The following MCPH1 variants were observed in gnomAD, a reference collection of about 807,000 sequenced individuals.
MCPH1 encodes the protein microcephalin 1.
Under a neutral mutation model 84.5 loss-of-function variants are expected in MCPH1, and 104 were observed. The observed-to-expected ratio is 1.23, with a 90% CI of 1.05 to 1.45. MCPH1 has a LOEUF of 1.45. Among genes scored for constraint, MCPH1 ranks in the 40% most tolerant of loss-of-function variants. The pLI, the probability that MCPH1 is intolerant of heterozygous loss-of-function variation, is 0.00. For missense variants in MCPH1, 1,498 were observed against 1,005.7 expected, an observed-to-expected ratio of 1.49 and a Z score of -6.62; for synonymous variants, 514 against 366.8, an observed-to-expected ratio of 1.40 and a Z score of -4.58.
At chr8:6,640,725 C>G (rs528829956) in intron 13 of MCPH1, among the ~76,000 whole-genome samples, 85 of 152,226 alleles carry the variant, frequency 5.6e-4, no homozygotes, top group African/African-American at 2.0e-3. Flanking sequence ...GGCACCTACC[C>G]TTGTGGTTTT....
At position 6,431,550 on chromosome 8, in the gene MCPH1, T is replaced by G; in HGVS notation, c.285T>G (p.Asn95Lys). The G allele has an allele frequency of 6.2e-7, 1 of 1,613,514 alleles. No homozygotes were observed. Among genetic ancestry groups the G allele is most frequent in the Admixed American group, 1.7e-5 (1 of 60,012 alleles). ...HIDESLFPAA[N>K]MNEHLSSLIK... ...ATGAATCATTGTTCCCTGCAGCTAA[T>G]ATGAATGAACACTTATCAAGCCTAA... The change falls in exon 4 of 14, where the codon AAT (asparagine) becomes AAG (lysine). Residue 95 changes from asparagine (N) to lysine (K), a missense_variant. Physicochemically the swap from Asn to Lys is moderately conservative, Grantham distance 94. Coordinates refer to ENST00000344683, the MANE Select transcript of MCPH1 (RefSeq NM_024596.5).
At chr8:6,416,878 CA>C (rs1799378170) in intron 3 of MCPH1, among the ~76,000 whole-genome samples, 1 of 151,938 alleles carries the variant, frequency 6.6e-6, no homozygotes, top group Admixed American at 6.6e-5. Flanking sequence ...CCTATAGTCC[CA>C]GCTACTCGGG....
At chr8:6,529,141 C>T (rs1042853179) in intron 12 of MCPH1, among the ~76,000 whole-genome samples, 2 of 152,198 alleles carry the variant, frequency 1.3e-5, no homozygotes, top group Non-Finnish European at 2.9e-5. Flanking sequence ...ACCATTTTCA[C>T]ATCACTTTTC....
At chr8:6,639,557 G>A (rs1352897667) in intron 13 of MCPH1, among the ~76,000 whole-genome samples, 4 of 151,828 alleles carry the variant, frequency 2.6e-5, no homozygotes, top group African/African-American at 9.7e-5. Context: ...TAGCTACTCA[G>A]GACGTCAAGG....
At chr8:6,579,208 G>C (rs1334685284) in intron 12 of MCPH1, among the ~76,000 whole-genome samples, 1 of 152,234 alleles carries the variant, frequency 6.6e-6, no homozygotes, top group African/African-American at 2.4e-5. Flanking sequence ...TGTTAAGTGA[G>C]AGTAACTGGC....
intron 12 of MCPH1, among the ~76,000 whole-genome samples, chr8:6,610,956 CT>C (rs1452049025): frequency 1.3e-5 from 2 of 152,168 alleles, no homozygotes; most frequent in Non-Finnish European, 2.9e-5. Flanking sequence ...AATCCATGCG[CT>C]TGTGGCTTTG....
At chr8:6,520,520 C>G (rs182135059) in intron 12 of MCPH1, among the ~76,000 whole-genome samples, 119 of 152,258 alleles carry the variant, frequency 7.8e-4, no homozygotes, top group African/African-American at 2.6e-3. Flanking sequence ...CTCAGCCTCC[C>G]AAGCAGCTGG....
intron 1 of MCPH1, 145 bp downstream of exon 1, chr8:6,406,834 C>T (rs1325748627): frequency 5.5e-6 from 4 of 732,822 alleles, no homozygotes; most frequent in East Asian, 5.7e-5. Flanking sequence ...CTGCCGCCTC[C>T]TTCCTCCCCC....
chr8:6,440,537 T>C (rs1469372594), intron 6 of MCPH1, among the ~76,000 whole-genome samples: 1 of 152,198 alleles, frequency 6.6e-6, no homozygotes, highest in African/African-American at 2.4e-5. Context: ...TTGATAGATA[T>C]AGTCAAATTA....
At chr8:6,552,542 TTAAC>T (rs1249020528) in intron 12 of MCPH1, among the ~76,000 whole-genome samples, 12 of 152,224 alleles carry the variant, frequency 7.9e-5, no homozygotes, top group Non-Finnish European at 1.3e-4. Flanking sequence ...ATTATAACCT[TTAAC>T]TAATGTGAGA....
chr8:6,425,839 C>T (rs1800981418), intron 3 of MCPH1, among the ~76,000 whole-genome samples: 1 of 152,114 alleles, frequency 6.6e-6, no homozygotes, highest in Non-Finnish European at 1.5e-5. Context: ...GCTGGGTGAC[C>T]TTTGTCCTGA....
intron 12 of MCPH1, among the ~76,000 whole-genome samples, chr8:6,510,277 G>T (rs1050488167): frequency 6.6e-6 from 1 of 151,982 alleles, no homozygotes; most frequent in Non-Finnish European, 1.5e-5. Context: ...TGCCATGTTG[G>T]CACGTTGGGT....
intron 13 of MCPH1, among the ~76,000 whole-genome samples, chr8:6,638,446 A>C (rs1797711267): frequency 6.6e-6 from 1 of 152,156 alleles, no homozygotes; most frequent in Non-Finnish European, 1.5e-5. Flanking sequence ...TGCCCACCAT[A>C]CTATAAAAAA....
At chr8:6,494,007 C>T (rs11992336) in intron 11 of MCPH1, 2 of 151,780 alleles carry the variant, frequency 1.3e-5, no homozygotes, top group African/African-American at 4.8e-5. Flanking sequence ...GTGGCACGAT[C>T]TTGGCTCACT....
At chr8:6,521,264 G>T (rs567870217) in intron 12 of MCPH1, 3 of 1,613,880 alleles carry the variant, frequency 1.9e-6, no homozygotes, top group Non-Finnish European at 2.5e-6. Context: ...ATTATTCACC[G>T]TGGCAGTCAC....
chr8:6,564,171 A>C (rs1251072023), intron 12 of MCPH1, among the ~76,000 whole-genome samples: 2 of 151,966 alleles, frequency 1.3e-5, no homozygotes, highest in Non-Finnish European at 2.9e-5. Flanking sequence ...TAGTAGAGAC[A>C]GGGTTTCACC....
intron 8 of MCPH1, chr8:6,447,308 A>T: frequency 1.0e-6 from 1 of 985,284 alleles, no homozygotes; most frequent in Non-Finnish European, 1.2e-6. Flanking sequence ...AGGGATGCAC[A>T]CTCTATATCT....
chr8:6,468,323 T>A (rs187165671), intron 9 of MCPH1, among the ~76,000 whole-genome samples: 4 of 152,252 alleles, frequency 2.6e-5, no homozygotes, highest in Admixed American at 1.3e-4. Flanking sequence ...CCCCCTATGC[T>A]GTCCTCCCAC....
intron 12 of MCPH1, among the ~76,000 whole-genome samples, chr8:6,567,296 C>T (rs954533816): frequency 2.9e-5 from 1 of 34,370 alleles, no homozygotes; most frequent in Admixed American, 4.3e-4. Flanking sequence ...GGATAGTGTA[C>T]ACGGTGCGAT....
Sources: gnomAD v4.1 joint callset for allele counts (sites outside exome capture counted in the v4.1 genomes callset) on GRCh38, gnomAD v4.1.1 for gene constraint, MANE v1.5 for transcripts, NCBI Gene and HGNC (gene_info 2026-07-23, HGNC 2026-07-21) for gene names.